ATP6V0A2: variants seen among roughly 807,000 people sequenced by gnomAD.
The protein encoded by ATP6V0A2 is V-type proton ATPase 116 kDa subunit a 2.
In ATP6V0A2, 58 loss-of-function variants were observed where a neutral mutation model predicts 104.4. The ratio of observed to expected loss-of-function variants is 0.56; its 90% confidence interval spans 0.45 to 0.69. The LOEUF (loss-of-function observed/expected upper bound fraction) is 0.69, where lower values mean the gene tolerates loss of function less well. Ranked by LOEUF, ATP6V0A2 falls within the 30% of genes least tolerant of loss-of-function variation. The pLI, the probability that ATP6V0A2 is intolerant of heterozygous loss-of-function variation, is 0.00. For synonymous variants in ATP6V0A2, 376 were observed against 397.9 expected, an observed-to-expected ratio of 0.95 and a Z score of 0.65; for missense variants, 938 against 1,062.9, an observed-to-expected ratio of 0.88 and a Z score of 1.63.
chr12:123,726,120 C>G, intron 4 of ATP6V0A2, 77 bp from the exon 5 acceptor site: 1 of 1,189,120 alleles, frequency 8.4e-7, no homozygotes, highest in South Asian at 1.2e-5. Flanking sequence ...GCCCTATAAA[C>G]TTGTTTGAAA....
intron 2 of ATP6V0A2, among the ~76,000 whole-genome samples, chr12:123,719,757 TC>T (rs1325482571): frequency 6.6e-6 from 1 of 151,978 alleles, no homozygotes; most frequent in Non-Finnish European, 1.5e-5. Context: ...CCAGCAAACT[TC>T]ACTTATCAGG....
At chr12:123,756,470 C>T (rs1471316310) in intron 18 of ATP6V0A2, 6 of 264,842 alleles carry the variant, frequency 2.3e-5, no homozygotes, top group Non-Finnish European at 3.6e-5. Flanking sequence ...TCATGGTCAT[C>T]CAGTTGATCC....
In ATP6V0A2 at chr12:123,724,642, G is replaced by A; in HGVS notation, c.295-12G>A. On this transcript the variant is annotated splice_polypyrimidine_tract_variant and intron_variant, in intron 3 of 19. Coordinates refer to ENST00000330342, the MANE Select transcript of ATP6V0A2 (RefSeq NM_012463.4). ...ATTACTACCCTCTTAAGTAACCATT[G>A]TTTTGTTTTAGGAGCAGTTGCAGAA... 7 of 1,612,986 alleles carry A rather than the reference G, an allele frequency of 4.3e-6. No homozygotes were observed. The highest frequency in any genetic ancestry group is 5.9e-6 in the Non-Finnish European group (7 of 1,179,288).
At chr12:123,727,338 GAGTGC>G (rs1566277825) in intron 5 of ATP6V0A2, among the ~76,000 whole-genome samples, 2 of 151,290 alleles carry the variant, frequency 1.3e-5, no homozygotes, top group Non-Finnish European at 2.9e-5. Flanking sequence ...GCCCAGGCTA[GAGTGC>G]AGTGGCCCTC....
At chr12:123,719,181 A>G (rs1013280392) in intron 2 of ATP6V0A2, among the ~76,000 whole-genome samples, 3 of 152,238 alleles carry the variant, frequency 2.0e-5, no homozygotes, top group Non-Finnish European at 4.4e-5. Flanking sequence ...GTGATTGACA[A>G]TAATTTCCTT....
intron 1 of ATP6V0A2, among the ~76,000 whole-genome samples, chr12:123,714,910 T>C (rs1257070172): frequency 6.6e-6 from 1 of 152,146 alleles, no homozygotes; most frequent in Admixed American, 6.5e-5. Flanking sequence ...TGAAACCCTG[T>C]CTCTACTAAA....
At position 123,744,008 on chromosome 12, in the gene ATP6V0A2, A is replaced by T; in HGVS notation, c.1189+73A>T. ...CATTCTTGCTCTAAGAATGGAATAGATATTTGGAAAGAGAGGCTGACCATT... is the reference window on the plus strand; with the variant it reads ...CATTCTTGCTCTAAGAATGGAATAGTTATTTGGAAAGAGAGGCTGACCATT... On this transcript the variant is annotated intron_variant, in intron 10 of 19. Coordinates refer to ENST00000330342, the MANE Select transcript of ATP6V0A2 (RefSeq NM_012463.4). The surrounding 1 kb of genome is among the most constrained non-coding windows in gnomAD (Gnocchi z 5.4). The T allele has an allele frequency of 6.3e-7, 1 of 1,594,298 alleles. No homozygotes were observed. Among genetic ancestry groups the T allele is most frequent in the Non-Finnish European group, 8.6e-7 (1 of 1,162,138 alleles).
intron 4 of ATP6V0A2, 120 bp from the exon 5 acceptor site, chr12:123,726,077 C>A: frequency 1.3e-6 from 1 of 744,032 alleles, no homozygotes; most frequent in South Asian, 1.5e-5. Context: ...CCTCAGAAGT[C>A]TTTGCACCCA....
chr12:123,754,427 T>C lies in ATP6V0A2; in HGVS notation c.2183T>C (p.Phe728Ser). ...TTGTGTGATCTCTCTCAGTTTAATT[T>C]TGGAGAAATATTAATGACCCAAGTA... ...CREMACEEFN[F>S]GEILMTQVIH... The change falls in exon 18 of 20, where the codon TTT becomes TCT. Residue 728 changes from phenylalanine (F) to serine (S), a missense_variant. Transcript: ENST00000330342. 1 of 1,610,230 alleles carries C rather than the reference T, an allele frequency of 6.2e-7. No homozygotes were observed. The highest frequency in any genetic ancestry group is 8.5e-7 in the Non-Finnish European group (1 of 1,176,482).
chr12:123,722,478 G>C (rs1956409315), intron 3 of ATP6V0A2, 30 bp downstream of exon 3: 1 of 1,339,478 alleles, frequency 7.5e-7, no homozygotes, highest in South Asian at 1.2e-5. Flanking sequence ...GCTGGTTGCA[G>C]CCATTGATCT....
At chr12:123,742,163 C>T (rs556912533) in intron 9 of ATP6V0A2, among the ~76,000 whole-genome samples, 49 of 152,378 alleles carry the variant, frequency 3.2e-4, no homozygotes, top group African/African-American at 1.1e-3. Context: ...CCCATGGCCC[C>T]TGTGCCGTCG....
chr12:123,742,777 A>G (rs1956621809), intron 9 of ATP6V0A2, among the ~76,000 whole-genome samples: 1 of 151,234 alleles, frequency 6.6e-6, no homozygotes, highest in Non-Finnish European at 1.5e-5. Context: ...CAGAGGTTGC[A>G]GTGAGCCGAG....
intron 19 of ATP6V0A2, 60 bp downstream of exon 19, chr12:123,757,046 C>T: frequency 6.4e-7 from 1 of 1,567,928 alleles, no homozygotes; most frequent in Non-Finnish European, 8.8e-7. Flanking sequence ...CCCCCCACTG[C>T]CCCGCCCAAC....
At chr12:123,728,874 A>C (rs1956473132) in intron 6 of ATP6V0A2, among the ~76,000 whole-genome samples, 1 of 152,022 alleles carries the variant, frequency 6.6e-6, no homozygotes. Flanking sequence ...GGTCACTCTG[A>C]TCACTTGATT....
Position 123,744,633 on chromosome 12 carries a change from C to T in ATP6V0A2, c.1363C>T (p.Leu455=). The T allele has an allele frequency of 2.5e-6, 4 of 1,613,736 alleles. No individual in the cohort carries two copies. The highest frequency in any genetic ancestry group is 2.2e-5 in the South Asian group (2 of 91,042). The change falls in exon 12 of 20, where the codon CTG becomes TTG. Residue 455 remains leucine, a synonymous_variant. Transcript: ENST00000330342. The surrounding 1 kb of genome is among the most constrained non-coding windows in gnomAD (Gnocchi z 5.4). ...RMFFNGRYIL[L]LMGLFSVYTG... ...GTTTTTTAATGGCCGGTACATCCTC[C>T]TGCTGATGGGGCTGTTCTCAGTGTA... is the stretch of plus-strand genomic sequence containing the variant.
rs533225806 is a variant in ATP6V0A2 at position 123,759,267 on chromosome 12, A to T, written c.*1235A>T. The T allele has an allele frequency of 6.6e-6, 1 of 151,856 alleles. No individual in the cohort carries two copies. The highest frequency in any genetic ancestry group is 1.9e-4 in the East Asian group (1 of 5,192). 9.4% of individuals were successfully genotyped at this position (151,856 alleles called of 1,614,324 possible). On this transcript the variant is annotated 3_prime_UTR_variant, in exon 20 of 20. Coordinates refer to ENST00000330342, the MANE Select transcript of ATP6V0A2 (RefSeq NM_012463.4). ...TAAATATAAATGAAGATATTTTACC[A>T]TGAAGAGATTGCACTTATCCTTGAG...
At chr12:123,753,058 C>T (rs528696569) in intron 17 of ATP6V0A2, among the ~76,000 whole-genome samples, 11 of 152,164 alleles carry the variant, frequency 7.2e-5, no homozygotes, top group South Asian at 2.1e-4. Flanking sequence ...GTCCCCTTTA[C>T]GAGTGACCGC....
intron 8 of ATP6V0A2, 52 bp from the exon 9 acceptor site, chr12:123,737,007 C>T (rs768639986): frequency 9.5e-6 from 15 of 1,578,604 alleles, no homozygotes; most frequent in Non-Finnish European, 1.3e-5. Context: ...GCCAGGTGGA[C>T]AGAAACAAAA....
At chr12:123,726,123 G>A in intron 4 of ATP6V0A2, 74 bp from the exon 5 acceptor site, 5 of 1,226,138 alleles carry the variant, frequency 4.1e-6, no homozygotes, top group Non-Finnish European at 6.0e-6. Flanking sequence ...CTATAAACTT[G>A]TTTGAAAATT....
Sources: allele counts gnomAD v4.1 joint callset (sites outside exome capture counted in the v4.1 genomes callset), GRCh38; gene constraint gnomAD v4.1.1; non-coding constraint Gnocchi (gnomAD v3.1); transcripts MANE v1.5; gene names NCBI Gene and HGNC (gene_info 2026-07-23, HGNC 2026-07-21).